The following MAP4 variants were observed in gnomAD, a reference collection of about 807,000 sequenced individuals.
MAP4 encodes microtubule-associated protein 4.
In MAP4, 76 loss-of-function variants were observed where a neutral mutation model predicts 170.2. The observed-to-expected ratio is 0.45, with a 90% CI of 0.37 to 0.54. The LOEUF is 0.54. MAP4 is among the 20% of genes least tolerant of loss of function. MAP4 has a pLI of 0.00. For missense variants in MAP4, 2,506 were observed against 2,748.0 expected (o/e 0.91, Z 1.97); for synonymous variants, 909 against 994.5 (o/e 0.91, Z 1.62).
chr3:48,068,479 C>T (rs7620736), intron 1 of MAP4, among the ~76,000 whole-genome samples: 91,728 of 151,878 alleles, frequency 0.6, 28,970 homozygotes, highest in East Asian at 0.71. Context: ...AGTGATTCTC[C>T]CGCCTCTGCT....
intron 20 of MAP4, 51 bp downstream of exon 20, chr3:47,853,112 G>A (rs756961864): frequency 9.3e-6 from 15 of 1,612,816 alleles, no homozygotes; most frequent in East Asian, 8.9e-5. Flanking sequence ...TTCAATTTGC[G>A]GCCAGTGGCA....
At chr3:47,943,514 C>A (rs1377067746) in intron 3 of MAP4, among the ~76,000 whole-genome samples, 1 of 152,046 alleles carries the variant, frequency 6.6e-6, no homozygotes, top group Non-Finnish European at 1.5e-5. Context: ...GAGACTGAGG[C>A]AGAAGAATTG....
intron 1 of MAP4, among the ~76,000 whole-genome samples, chr3:48,014,742 A>T (rs574608151): frequency 2.0e-5 from 3 of 152,152 alleles, no homozygotes; most frequent in African/African-American, 7.2e-5. Flanking sequence ...CCTTCATTTT[A>T]CTGTGTCACA....
Position 47,870,883 on chromosome 3 carries a change from G to T in MAP4, c.6224C>A (p.Pro2075His). Residue 2075 changes from proline (P) to histidine (H), a missense_variant, in exon 15 of 21, where the codon CCT (proline) becomes CAT (histidine). By Grantham distance (77) the Pro-to-His change is moderately conservative. Coordinates refer to ENST00000683076, the MANE Select transcript of MAP4 (RefSeq NM_001385682.1). Reference sequence around the variant, plus strand: ...CTTGGAGCGGACATTCTTCAGATCAGGAGCAGAAGTATTGGTGGCCAGGCG... The same window carrying T: ...CTTGGAGCGGACATTCTTCAGATCATGAGCAGAAGTATTGGTGGCCAGGCG... ...LSRLATNTSA[P>H]DLKNVRSKVG... The T allele has an allele frequency of 6.2e-7, 1 of 1,612,950 alleles. No homozygotes were observed. Among genetic ancestry groups the T allele is most frequent in the Non-Finnish European group, 8.5e-7 (1 of 1,179,380 alleles).
At chr3:48,016,072 A>G (rs1305638625) in intron 1 of MAP4, among the ~76,000 whole-genome samples, 1 of 152,220 alleles carries the variant, frequency 6.6e-6, no homozygotes, top group Non-Finnish European at 1.5e-5. Context: ...CCTGTTCATC[A>G]TAGGATTAGC....
chr3:48,046,766 A>G (rs190292774), intron 1 of MAP4, among the ~76,000 whole-genome samples: 1 of 152,292 alleles, frequency 6.6e-6, no homozygotes, highest in Admixed American at 6.5e-5. Context: ...TGGGCAAGGT[A>G]TGTAATCTCT....
At chr3:47,852,973 A>AAC in intron 20 of MAP4, 35 bp from the exon 21 acceptor site, 1 of 1,614,120 alleles carries the variant, frequency 6.2e-7, no homozygotes, top group Non-Finnish European at 8.5e-7. Flanking sequence ...GGGAGAGGGG[A>AAC]ACAGGGGAGA....
At chr3:47,869,807 C>A (rs1385116436) in intron 15 of MAP4, among the ~76,000 whole-genome samples, 1 of 152,086 alleles carries the variant, frequency 6.6e-6, no homozygotes, top group Non-Finnish European at 1.5e-5. Flanking sequence ...CAACTCCCCA[C>A]CCAAGAACTC....
chr3:48,007,540 C>G (rs2100103004), intron 1 of MAP4, among the ~76,000 whole-genome samples: 2 of 152,164 alleles, frequency 1.3e-5, no homozygotes, highest in African/African-American at 4.8e-5. Flanking sequence ...CCCAGCAGAT[C>G]CAATGGTGCT....
intron 2 of MAP4, among the ~76,000 whole-genome samples, chr3:47,991,601 A>C (rs1051544321): frequency 6.6e-6 from 1 of 152,098 alleles, no homozygotes; most frequent in Non-Finnish European, 1.5e-5. Flanking sequence ...GTTACGTTAG[A>C]TGTTGCAGTA....
At chr3:47,986,062 T>A (rs1214248526) in intron 2 of MAP4, among the ~76,000 whole-genome samples, 2 of 152,222 alleles carry the variant, frequency 1.3e-5, no homozygotes, top group Non-Finnish European at 2.9e-5. Flanking sequence ...ACAGTAATGA[T>A]AAATCCAAGT....
chr3:47,936,134 GAGA>G (rs905844325), intron 3 of MAP4, among the ~76,000 whole-genome samples: 4 of 150,784 alleles, frequency 2.7e-5, no homozygotes, highest in East Asian at 4.0e-4. Flanking sequence ...GACAAAGAAG[GAGA>G]AGAAGGAGAG....
chr3:48,055,188 C>CTCCGTCTCCGTCTCCG (rs1559867127), intron 1 of MAP4, among the ~76,000 whole-genome samples: 8 of 64,526 alleles, frequency 1.2e-4, no homozygotes, highest in African/African-American at 1.8e-4. Context: ...CTCCCTCTCC[C>CTCCGTCTCCGTCTCCG]TCTCCCTCTC....
At chr3:47,939,783 C>T (rs746979704) in intron 3 of MAP4, among the ~76,000 whole-genome samples, 1 of 150,942 alleles carries the variant, frequency 6.6e-6, no homozygotes, top group Non-Finnish European at 1.5e-5. Flanking sequence ...GGTACATTTT[C>T]CTCACCCCTC....
chr3:47,967,700 A>G (rs1477706544), intron 3 of MAP4, among the ~76,000 whole-genome samples: 1 of 151,670 alleles, frequency 6.6e-6, no homozygotes, highest in African/African-American at 2.4e-5. Context: ...AGTGACTCAC[A>G]CCTGTAATCC....
Position 47,987,301 on chromosome 3 carries a change from G to A in MAP4, c.224-9368C>T, listed in dbSNP as rs1008787977. 1.4e-5 allele frequency: 14 copies of A among 1,016,146 alleles called. No homozygotes were observed. In the East Asian group the frequency reaches 1.8e-4, roughly 13 times the overall value. The allele number at this position is 1,016,146 out of a possible 1,614,324, so 62.9% of individuals were successfully genotyped here. On this transcript the variant is annotated intron_variant, in intron 2 of 20. Coordinates refer to ENST00000683076, the MANE Select transcript of MAP4 (RefSeq NM_001385682.1). ...TTCCTGTGCTAGAGCATGTTAATAAGTGTAAGATAACAAATAGCTTAATTA... is the reference window on the plus strand; with the variant it reads ...TTCCTGTGCTAGAGCATGTTAATAAATGTAAGATAACAAATAGCTTAATTA...
chr3:47,935,613 C>A (rs1448455890), intron 3 of MAP4, among the ~76,000 whole-genome samples: 1 of 151,948 alleles, frequency 6.6e-6, no homozygotes, highest in Non-Finnish European at 1.5e-5. Context: ...ACCTGATATA[C>A]AGACATTTTA....
intron 1 of MAP4, among the ~76,000 whole-genome samples, chr3:48,039,916 A>C (rs2100120765): frequency 6.6e-6 from 1 of 152,228 alleles, no homozygotes; most frequent in South Asian, 2.1e-4. Context: ...TAAGCCACTA[A>C]AATCTAACTG....
At chr3:48,086,564 C>T (rs970341009) in intron 1 of MAP4, among the ~76,000 whole-genome samples, 6 of 151,866 alleles carry the variant, frequency 4.0e-5, no homozygotes, top group Admixed American at 2.0e-4. Context: ...GCTTGAACTC[C>T]GGAGGTAGAG....
Sources: allele counts gnomAD v4.1 joint callset (sites outside exome capture counted in the v4.1 genomes callset), GRCh38; gene constraint gnomAD v4.1.1; transcripts MANE v1.5; gene names NCBI Gene and HGNC (gene_info 2026-07-23, HGNC 2026-07-21).